Variants in SGMS1 observed in about 807,000 individuals in gnomAD.
SGMS1 encodes the protein sphingomyelin synthase 1, also known as phosphatidylcholine:ceramide cholinephosphotransferase 1.
Under a neutral mutation model 46.2 loss-of-function variants are expected in SGMS1, and 13 were observed. That is an observed-to-expected ratio of 0.28 (90% CI 0.18 to 0.45). The LOEUF (loss-of-function observed/expected upper bound fraction) is 0.45. Among genes scored for constraint, SGMS1 ranks in the 20% least tolerant of loss-of-function variants. SGMS1 has a pLI of 1.00. For missense variants in SGMS1, 324 were observed against 519.9 expected (o/e 0.62, Z 3.66); for synonymous variants, 203 against 187.8 (o/e 1.08, Z -0.66).
At chr10:50,625,058 G>T (rs1184932775), upstream of SGMS1, 1 of 997,858 alleles carries the variant, frequency 1.0e-6, no homozygotes, top group South Asian at 3.8e-5. Flanking sequence ...GCCGGACTCT[G>T]GCCACCGCTC....
chr10:50,601,903 C>A (rs1193202702), intron 1 of SGMS1, among the ~76,000 whole-genome samples: 1 of 152,156 alleles, frequency 6.6e-6, no homozygotes, highest in Non-Finnish European at 1.5e-5. Flanking sequence ...ATTTTATATG[C>A]GATATTTTTA....
intron 5 of SGMS1, among the ~76,000 whole-genome samples, chr10:50,458,606 G>T (rs1041427457): frequency 6.6e-6 from 1 of 151,714 alleles, no homozygotes; most frequent in Non-Finnish European, 1.5e-5. Context: ...TGATCTGCCC[G>T]TCTCAGCCTC....
intron 6 of SGMS1, among the ~76,000 whole-genome samples, chr10:50,360,065 C>T (rs1848222212): frequency 6.6e-6 from 1 of 152,000 alleles, no homozygotes; most frequent in African/African-American, 2.4e-5. Context: ...ATGTAGTCTG[C>T]TTTGTAAATT....
At chr10:50,505,539 T>C (rs1440922802) in intron 3 of SGMS1, among the ~76,000 whole-genome samples, 1 of 152,182 alleles carries the variant, frequency 6.6e-6, no homozygotes, top group Non-Finnish European at 1.5e-5. Context: ...ATTTAAAAAG[T>C]CACTCAAGTT....
chr10:50,391,932 CA>C, intron 6 of SGMS1, among the ~76,000 whole-genome samples: 1 of 150,554 alleles, frequency 6.6e-6, no homozygotes, highest in Non-Finnish European at 1.5e-5. Context: ...AATGCAGGAG[CA>C]GAAAACCAAA....
chr10:50,541,943 C>A (rs1348733204), intron 2 of SGMS1, among the ~76,000 whole-genome samples: 1 of 152,140 alleles, frequency 6.6e-6, no homozygotes, highest in Non-Finnish European at 1.5e-5. Context: ...TTTTTTCCTG[C>A]CAACAAGTTT....
At chr10:50,565,392 A>G (rs534195595) in intron 2 of SGMS1, among the ~76,000 whole-genome samples, 60 of 152,350 alleles carry the variant, frequency 3.9e-4, no homozygotes, top group African/African-American at 1.4e-3. Flanking sequence ...ACATCAGGGC[A>G]GTACTGACTT....
chr10:50,432,726 C>G (rs529641484), intron 6 of SGMS1, among the ~76,000 whole-genome samples: 3 of 152,298 alleles, frequency 2.0e-5, no homozygotes, highest in African/African-American at 7.2e-5. Context: ...AGTCATAGCA[C>G]AAAGTACTTT....
intron 5 of SGMS1, among the ~76,000 whole-genome samples, chr10:50,435,095 G>C (rs1849458543): frequency 6.6e-6 from 1 of 152,124 alleles, no homozygotes; most frequent in South Asian, 2.1e-4. Flanking sequence ...CTGACATGAG[G>C]CTCTTTACAT....
At chr10:50,608,134 C>G (rs924221665) in intron 1 of SGMS1, among the ~76,000 whole-genome samples, 1 of 152,196 alleles carries the variant, frequency 6.6e-6, no homozygotes, top group Non-Finnish European at 1.5e-5. Context: ...TCTAGGACAG[C>G]AAGATTTAGC....
chr10:50,413,993 AT>A (rs1272426184), intron 6 of SGMS1, among the ~76,000 whole-genome samples: 1 of 152,056 alleles, frequency 6.6e-6, no homozygotes, highest in African/African-American at 2.4e-5. Context: ...TAATTTTTTA[AT>A]TTTTTTTCTG....
intron 2 of SGMS1, among the ~76,000 whole-genome samples, chr10:50,527,163 T>C (rs1217010652): frequency 1.3e-5 from 2 of 151,382 alleles, no homozygotes; most frequent in Non-Finnish European, 2.9e-5. Flanking sequence ...ACTCCGTAAG[T>C]AGACATTGAC....
chr10:50,452,606 G>A (rs1588834154), intron 5 of SGMS1, among the ~76,000 whole-genome samples: 1 of 152,118 alleles, frequency 6.6e-6, no homozygotes, highest in East Asian at 1.9e-4. Context: ...AGAATGCTGG[G>A]AGGTAGAAAA....
At chr10:50,510,819 T>A (rs1321825664) in intron 3 of SGMS1, among the ~76,000 whole-genome samples, 1 of 152,208 alleles carries the variant, frequency 6.6e-6, no homozygotes, top group Non-Finnish European at 1.5e-5. Context: ...AGTTTTTACA[T>A]GTTCTTTGTT....
At chr10:50,380,156 G>A (rs1465498276) in intron 6 of SGMS1, among the ~76,000 whole-genome samples, 1 of 152,052 alleles carries the variant, frequency 6.6e-6, no homozygotes, top group Non-Finnish European at 1.5e-5. Context: ...TGAGGTGGGC[G>A]GATCACCTGA....
At chr10:50,327,173 A>T in intron 8 of SGMS1, 32 bp downstream of exon 8, 1 of 1,369,276 alleles carries the variant, frequency 7.3e-7, no homozygotes, top group Non-Finnish European at 1.0e-6. Flanking sequence ...AGAAACAAAC[A>T]GAAAGCGAAA....
rs140432363 is a variant in SGMS1, at chr10:50,535,269, C to G, written c.-588-15348G>C. On this transcript the variant is annotated intron_variant, in intron 2 of 10. Transcript: ENST00000361781. ...CAACAACTATCATCTTAAAAAGTGT[C>G]TAGTCTTTTTAATTGTACCCTAGCT... Among the ~76,000 whole-genome samples, 737 of 152,050 alleles carry G rather than the reference C, an allele frequency of 4.8e-3. 4 individuals carry two copies. The highest frequency in any genetic ancestry group is 0.014 in the African/African-American group (600 of 41,454).
intron 3 of SGMS1, among the ~76,000 whole-genome samples, chr10:50,511,485 T>C (rs1366253579): frequency 1.3e-5 from 2 of 152,120 alleles, no homozygotes; most frequent in African/African-American, 4.8e-5. Context: ...TAAAGCAGAA[T>C]ACAAAGATGC....
intron 1 of SGMS1, among the ~76,000 whole-genome samples, chr10:50,601,350 G>A (rs1018845716): frequency 5.3e-5 from 8 of 152,196 alleles, no homozygotes; most frequent in African/African-American, 1.7e-4. Context: ...GTATCACTTG[G>A]TAAATGACCT....
Sources: allele counts gnomAD v4.1 joint callset (sites outside exome capture counted in the v4.1 genomes callset), GRCh38; gene constraint gnomAD v4.1.1; transcripts MANE v1.5; gene names NCBI Gene and HGNC (gene_info 2026-07-23, HGNC 2026-07-21).